Variants in BMPER observed in about 807,000 individuals in gnomAD.
BMPER encodes the protein BMP binding endothelial regulator.
In BMPER, 45 loss-of-function variants were observed where a neutral mutation model predicts 87.3. The observed-to-expected ratio is 0.52, with a 90% CI of 0.41 to 0.66. The LOEUF (loss-of-function observed/expected upper bound fraction) is 0.66. BMPER is among the 30% of genes least tolerant of loss of function. The pLI, the probability that BMPER is intolerant of heterozygous loss-of-function variation, is 0.00. For synonymous variants in BMPER, 326 were observed against 316.2 expected (o/e 1.03, Z -0.33); for missense variants, 784 against 867.5 (o/e 0.90, Z 1.21).
chr7:34,137,219 GGA>G (rs1415991570), intron 13 of BMPER, among the ~76,000 whole-genome samples: 1 of 152,228 alleles, frequency 6.6e-6, no homozygotes, highest in African/African-American at 2.4e-5. Flanking sequence ...TCTGGAGACA[GGA>G]GAGGAGTGCA....
intron 14 of BMPER, among the ~76,000 whole-genome samples, chr7:34,149,302 T>C (rs1489551866): frequency 6.6e-6 from 1 of 152,198 alleles, no homozygotes; most frequent in Non-Finnish European, 1.5e-5. Context: ...ATATCTCTGA[T>C]TAAGGACTAT....
At chr7:33,928,639 CA>C (rs35451161) in intron 2 of BMPER, among the ~76,000 whole-genome samples, 575 of 49,094 alleles carry the variant, frequency 0.012, 2 homozygotes, top group African/African-American at 0.043. Context: ...TTGAAAAAGC[CA>C]AAAAAAAAAA....
chr7:34,019,641 T>A (rs1787127525), intron 6 of BMPER, among the ~76,000 whole-genome samples: 1 of 152,034 alleles, frequency 6.6e-6, no homozygotes, highest in African/African-American at 2.4e-5. Flanking sequence ...AGCTGTTTAC[T>A]TATTCATTTT....
intron 13 of BMPER, among the ~76,000 whole-genome samples, chr7:34,108,998 G>A (rs1789894204): frequency 1.3e-5 from 2 of 152,172 alleles, no homozygotes; most frequent in South Asian, 2.1e-4. Flanking sequence ...TATGATATGT[G>A]TATATGTGTA....
In BMPER at chr7:34,057,914, A is replaced by G. The variant is rs17169638; in HGVS notation, c.928-145A>G. 2,211 of 711,098 alleles carry G rather than the reference A, an allele frequency of 3.1e-3. 63 individuals carry two copies. The East Asian group carries it at 0.055, about 18-fold the overall frequency. The allele number at this position is 711,098 out of a possible 1,614,324, so 44.0% of individuals were successfully genotyped here. ...TCTTTATCTTAAATCAGTTGGATGTAGACAGACACCTGAGTCATTTAGTCT... is the reference window on the plus strand; with the variant it reads ...TCTTTATCTTAAATCAGTTGGATGTGGACAGACACCTGAGTCATTTAGTCT... On this transcript the variant is annotated intron_variant, in intron 9 of 14. Coordinates refer to ENST00000649409, the MANE Select transcript of BMPER (RefSeq NM_001365308.1).
intron 9 of BMPER, 105 bp downstream of exon 9, chr7:34,055,408 TA>T: frequency 1.5e-6 from 2 of 1,349,076 alleles, no homozygotes; most frequent in South Asian, 1.2e-5. Flanking sequence ...TCTATATACA[TA>T]TACAAATGTA....
chr7:34,118,151 A>G (rs1379490479), intron 13 of BMPER, among the ~76,000 whole-genome samples: 1 of 152,080 alleles, frequency 6.6e-6, no homozygotes, highest in Non-Finnish European at 1.5e-5. Flanking sequence ...CTAAAAATAT[A>G]AAAATTAGCT....
chr7:34,105,511 A>C lies in BMPER; in HGVS notation c.1745+19419A>C, dbSNP rs1218146408. ...GTTCACCATAGAGGGCCAGTCAGGG[A>C]TATCTGGACTCTAAAATGATGAGAA... On this transcript the variant is annotated intron_variant, in intron 13 of 14. Coordinates refer to ENST00000649409, the MANE Select transcript of BMPER (RefSeq NM_001365308.1). Among the ~76,000 whole-genome samples the C allele has an allele frequency of 2.0e-5, 3 of 152,212 alleles. No individual in the cohort carries two copies. In the East Asian group the frequency reaches 5.8e-4, roughly 29 times the overall value.
chr7:34,045,796 G>C (rs1049961378), intron 6 of BMPER, among the ~76,000 whole-genome samples: 2 of 152,120 alleles, frequency 1.3e-5, no homozygotes, highest in African/African-American at 2.4e-5. Context: ...AAGCCTTCCT[G>C]GAGGAAGATG....
chr7:34,144,557 C>G (rs1463793022), intron 14 of BMPER, among the ~76,000 whole-genome samples: 1 of 151,128 alleles, frequency 6.6e-6, no homozygotes, highest in Non-Finnish European at 1.5e-5. Context: ...AAGATGGTGG[C>G]AGTGCATGTG....
chr7:33,984,460 G>A (rs770470248), intron 6 of BMPER, among the ~76,000 whole-genome samples: 32 of 151,474 alleles, frequency 2.1e-4, no homozygotes, highest in Admixed American at 9.9e-4. Flanking sequence ...GCAAGAGTCC[G>A]TCTCAAAAAA....
chr7:34,081,787 C>T (rs1789055687), intron 12 of BMPER, among the ~76,000 whole-genome samples: 1 of 152,154 alleles, frequency 6.6e-6, no homozygotes, highest in Admixed American at 6.5e-5. Context: ...TACATCCTAC[C>T]TTCCCCTTTC....
At chr7:33,988,626 T>A (rs571788121) in intron 6 of BMPER, among the ~76,000 whole-genome samples, 57 of 152,206 alleles carry the variant, frequency 3.7e-4, no homozygotes, top group African/African-American at 1.1e-3. Flanking sequence ...ATTATTTTTT[T>A]AATTATACTT....
At chr7:34,005,823 A>G (rs1786716428) in intron 6 of BMPER, among the ~76,000 whole-genome samples, 1 of 152,178 alleles carries the variant, frequency 6.6e-6, no homozygotes. Context: ...ATCACTTTAT[A>G]TTATTTTTGC....
At chr7:34,035,485 G>A (rs1787638067) in intron 6 of BMPER, among the ~76,000 whole-genome samples, 1 of 152,102 alleles carries the variant, frequency 6.6e-6, no homozygotes, top group Non-Finnish European at 1.5e-5. Context: ...GTGTGCTCAG[G>A]CATACTAAGG....
At chr7:34,025,818 G>A (rs542205000) in intron 6 of BMPER, among the ~76,000 whole-genome samples, 1 of 152,138 alleles carries the variant, frequency 6.6e-6, no homozygotes, top group South Asian at 2.1e-4. Flanking sequence ...AAAAGGACAA[G>A]CGCTGGATAT....
chr7:34,115,083 A>G (rs750397118), intron 13 of BMPER, among the ~76,000 whole-genome samples: 4 of 152,240 alleles, frequency 2.6e-5, no homozygotes, highest in Non-Finnish European at 5.9e-5. Flanking sequence ...TGCATACTAT[A>G]TAAAAATGGC....
chr7:34,085,997 C>A lies in BMPER; in HGVS notation c.1650C>A (p.Val550=). ...TGCCTGAACTGTGTCAAGGGACAGTCAAGGTAAAGCTCCGGGCCCATCGAG... is the reference window on the plus strand; with the variant it reads ...TGCCTGAACTGTGTCAAGGGACAGTAAAGGTAAAGCTCCGGGCCCATCGAG... ...KPVPELCQGT[V]KVKLRAHREC... The change falls in exon 13 of 15, where the codon GTC becomes GTA. Residue 550 remains valine, a synonymous_variant. Coordinates refer to ENST00000649409, the MANE Select transcript of BMPER (RefSeq NM_001365308.1). 6.2e-7 allele frequency: 1 copy of A among 1,613,976 alleles called. No homozygotes were observed. Among genetic ancestry groups the A allele is most frequent in the South Asian group, 1.1e-5 (1 of 91,044 alleles).
chr7:33,983,936 T>C (rs1479029609), intron 6 of BMPER, among the ~76,000 whole-genome samples: 1 of 152,162 alleles, frequency 6.6e-6, no homozygotes, highest in Admixed American at 6.5e-5. Flanking sequence ...AGTTCACACG[T>C]CTAAGCAAGT....
Sources: gnomAD v4.1 joint callset for allele counts (sites outside exome capture counted in the v4.1 genomes callset) on GRCh38, gnomAD v4.1.1 for gene constraint, MANE v1.5 for transcripts, NCBI Gene and HGNC (gene_info 2026-07-23, HGNC 2026-07-21) for gene names.